SLC25A29: variants seen among roughly 807,000 people sequenced by gnomAD.
SLC25A29 encodes the protein solute carrier family 25 member 29, also known as mitochondrial basic amino acids transporter.
A neutral mutation model predicts 10.0 loss-of-function variants in SLC25A29; 13 were observed. The observed-to-expected ratio is 1.30, with a 90% CI of 0.85 to 2.07. SLC25A29 has a LOEUF of 2.07. Ranked by LOEUF, SLC25A29 falls within the 30% of genes most tolerant of loss-of-function variation. The pLI is 0.00. For missense variants in SLC25A29, 475 were observed against 447.6 expected (o/e 1.06, Z -0.55); for synonymous variants, 244 against 221.1 (o/e 1.10, Z -0.92).
chr14:100,296,063 CAG>C (rs1892126751), intron 2 of SLC25A29: 1 of 1,260,430 alleles, frequency 7.9e-7, no homozygotes, highest in African/African-American at 1.5e-5. Flanking sequence ...CGGACTGACA[CAG>C]ACTCGGGTGG....
At position 100,306,299 on chromosome 14, in the gene SLC25A29, C is replaced by G; in HGVS notation, c.-67G>C. 2 of 1,314,988 alleles carry G rather than the reference C, an allele frequency of 1.5e-6. No homozygotes were observed. The highest frequency in any genetic ancestry group is 1.9e-6 in the Non-Finnish European group (2 of 1,034,238). The allele number at this position is 1,314,988 out of a possible 1,614,324, so 81.5% of individuals were successfully genotyped here. Reference sequence around the variant, plus strand: ...CCCTGAGGCCCCTCGCCGGGCTGGGCGCCGTCGGGGTCCCCGAGCGCGCGG... The same window carrying G: ...CCCTGAGGCCCCTCGCCGGGCTGGGGGCCGTCGGGGTCCCCGAGCGCGCGG... On this transcript the variant is annotated 5_prime_UTR_variant, in exon 1 of 4. Transcript: ENST00000359232.
intron 2 of SLC25A29, among the ~76,000 whole-genome samples, chr14:100,298,423 G>C (rs947855605): frequency 6.6e-6 from 1 of 152,194 alleles, no homozygotes; most frequent in African/African-American, 2.4e-5. Flanking sequence ...TGGCACGTGG[G>C]AAACCATCAC....
At chr14:100,288,365 A>G (rs937901046), downstream of SLC25A29, among the ~76,000 whole-genome samples, 10 of 127,358 alleles carry the variant, frequency 7.9e-5, no homozygotes, top group Non-Finnish European at 1.1e-4. Context: ...CTGGGTGAAA[A>G]GAGTGAAACT....
chr14:100,287,893 GCCTT>G (rs1891577466), downstream of SLC25A29, among the ~76,000 whole-genome samples: 1 of 152,146 alleles, frequency 6.6e-6, no homozygotes, highest in African/African-American at 2.4e-5. Context: ...AGTGTGACCA[GCCTT>G]CCAAGGCCAG....
At position 100,293,293 on chromosome 14, in the gene SLC25A29, C is replaced by T; in HGVS notation, c.162+1G>A. On this transcript the variant is annotated splice_donor_variant, in intron 3 of 3. Transcript: ENST00000359232. LOFTEE classifies it high-confidence loss of function. ...GAGCCCCACCAGCCCAGGCCACTCA[C>T]GCTCTCTTGCTTGATGATGGACTTG... The T allele has an allele frequency of 1.2e-6, 2 of 1,613,036 alleles. No homozygotes were observed. Among genetic ancestry groups the T allele is most frequent in the Non-Finnish European group, 1.7e-6 (2 of 1,179,910 alleles).
chr14:100,299,209 C>T, intron 1 of SLC25A29: 2 of 1,219,818 alleles, frequency 1.6e-6, no homozygotes, highest in African/African-American at 1.6e-5. Context: ...AGGCTGCACA[C>T]ACTATTTCTG....
At position 100,292,973 on chromosome 14, in the gene SLC25A29, C is replaced by T. The variant is rs756730756; in HGVS notation, c.222G>A (p.Ala74=). 6.3e-6 allele frequency: 10 copies of T among 1,598,202 alleles called. No individual in the cohort carries two copies. Among genetic ancestry groups the T allele is most frequent in the Non-Finnish European group, 8.5e-6 (10 of 1,172,816 alleles). ...TGTTGCCCTGCACCCCGAACACCAG[C>T]GCGTTGATGAAGGTGAGCCCCATGA... ...SPLMGLTFIN[A]LVFGVQGNTL... Residue 74 remains alanine, a synonymous_variant, in exon 4 of 4, where the codon GCG becomes GCA. Coordinates refer to ENST00000359232, the MANE Select transcript of SLC25A29 (RefSeq NM_001039355.3).
intron 1 of SLC25A29, chr14:100,300,020 CAGCACTTTGGG>C (rs1459363519): frequency 1.0e-6 from 1 of 976,674 alleles, no homozygotes; most frequent in Non-Finnish European, 1.2e-6. Flanking sequence ...CCTGTAATCC[CAGCACTTTGGG>C]AGGCCAAGGT....
At position 100,292,292 on chromosome 14, in the gene SLC25A29, G is replaced by T. The variant is rs781006520; in HGVS notation, c.903C>A (p.Ser301=). 6 of 1,531,574 alleles carry T rather than the reference G, an allele frequency of 3.9e-6. No individual in the cohort carries two copies. The African/African-American group carries it at 8.3e-5, about 21-fold the overall frequency. 94.9% of individuals were successfully genotyped at this position (1,531,574 alleles called of 1,614,324 possible). Residue 301 remains serine, a synonymous_variant, in exon 4 of 4, where the codon TCC becomes TCA. Transcript: ENST00000359232. ...GAGGGCGGGGTGAGCGTCACAGGCT[G>T]GAGGGCTGCGCCAGGGCAGGCCCCG... The part of the protein sequence containing the change: ...APAGPALAQP[S]SL
At chr14:100,301,102 T>C (rs1892513466) in intron 1 of SLC25A29, among the ~76,000 whole-genome samples, 1 of 151,834 alleles carries the variant, frequency 6.6e-6, no homozygotes, top group Non-Finnish European at 1.5e-5. Context: ...AGTTTCACCA[T>C]GTTAGCCAGG....
intron 1 of SLC25A29, chr14:100,300,116 C>G (rs1237516463): frequency 4.0e-6 from 1 of 248,908 alleles, no homozygotes. Context: ...ACTAAAAATA[C>G]AAAAATTAGC....
At chr14:100,303,731 A>G (rs1160134192) in intron 1 of SLC25A29, among the ~76,000 whole-genome samples, 1 of 150,916 alleles carries the variant, frequency 6.6e-6, no homozygotes, top group African/African-American at 2.4e-5. Flanking sequence ...CCTACTGTCT[A>G]CTGTCCTCCC....
intron 2 of SLC25A29, 154 bp downstream of exon 2, chr14:100,298,688 C>T (rs1400915039): frequency 3.2e-6 from 3 of 948,536 alleles, no homozygotes; most frequent in Non-Finnish European, 5.1e-6. Flanking sequence ...TGGGAGATGC[C>T]AGGACAAAGC....
intron 2 of SLC25A29, 94 bp from the exon 3 acceptor site, chr14:100,293,471 A>G (rs576817365): frequency 2.7e-6 from 3 of 1,130,918 alleles, no homozygotes; most frequent in East Asian, 2.5e-5. Flanking sequence ...GGGTCTCCCA[A>G]GGAGGCCGGG....
rs766435527 is a variant in SLC25A29 at position 100,292,716 on chromosome 14, C to T, written c.479G>A (p.Arg160His). The T allele has an allele frequency of 1.2e-6, 2 of 1,602,136 alleles. No homozygotes were observed. The highest frequency in any genetic ancestry group is 1.1e-5 in the South Asian group (1 of 89,472). ...VNRGMVSTLL[R>H]ETPSFGVYFL... The stretch of plus-strand genomic sequence containing the variant: ...GTAGACGCCGAAGCTGGGCGTCTCA[C>T]GCAGCAACGTGGACACCATGCCCCG... The change falls in exon 4 of 4, where the codon CGT becomes CAT. Residue 160 changes from arginine (R) to histidine (H), a missense_variant. Coordinates refer to ENST00000359232, the MANE Select transcript of SLC25A29 (RefSeq NM_001039355.3).
chr14:100,302,192 C>A (rs1211556409), intron 1 of SLC25A29, among the ~76,000 whole-genome samples: 1 of 151,688 alleles, frequency 6.6e-6, no homozygotes, highest in Non-Finnish European at 1.5e-5. Context: ...ATTACAGGCT[C>A]CCGCCACCAC....
chr14:100,297,864 C>T (rs1298012593), intron 2 of SLC25A29, among the ~76,000 whole-genome samples: 1 of 152,232 alleles, frequency 6.6e-6, no homozygotes, highest in Non-Finnish European at 1.5e-5. Context: ...CAGGGACCTG[C>T]CCAAGGTCAT....
chr14:100,292,440 G>A lies in SLC25A29; in HGVS notation c.755C>T (p.Ala252Val), dbSNP rs751093577. ...GGGGAAGGCGCGCAGCAGCGTGGAC[G>A]CCAGCCCCCGTGTGAAGACGCGCCA... ...EGWRVFTRGL[A>V]STLLRAFPVN... The change falls in exon 4 of 4, where the codon GCG becomes GTG. Residue 252 changes from alanine to valine, a missense_variant. By Grantham distance (64) the Ala-to-Val change is moderately conservative. Coordinates refer to ENST00000359232, the MANE Select transcript of SLC25A29 (RefSeq NM_001039355.3). The A allele has an allele frequency of 2.0e-5, 31 of 1,578,176 alleles. 1 individual carries two copies. The East Asian group carries it at 5.8e-4, about 29-fold the overall frequency.
At chr14:100,293,532 G>T in intron 2 of SLC25A29, 155 bp from the exon 3 acceptor site, 1 of 626,648 alleles carries the variant, frequency 1.6e-6, no homozygotes, top group Non-Finnish European at 2.8e-6. Flanking sequence ...GGTGGGCCGG[G>T]TATCTATGCC....
Sources: allele counts gnomAD v4.1 joint callset (sites outside exome capture counted in the v4.1 genomes callset), GRCh38; gene constraint gnomAD v4.1.1; transcripts MANE v1.5; gene names NCBI Gene and HGNC (gene_info 2026-07-23, HGNC 2026-07-21).